The following NEGR1 variants were observed in gnomAD, a reference collection of about 807,000 sequenced individuals.
NEGR1 encodes neuronal growth regulator 1, also known as IgLON family member 4.
Under a neutral mutation model 40.9 loss-of-function variants are expected in NEGR1, and 10 were observed. That is an observed-to-expected ratio of 0.24 (90% CI 0.15 to 0.42). The LOEUF (loss-of-function observed/expected upper bound fraction) is 0.42, where lower values mean the gene tolerates loss of function less well. Ranked by LOEUF, NEGR1 falls within the 10% of genes least tolerant of loss-of-function variation. NEGR1 has a pLI of 1.00. For missense variants in NEGR1, 352 were observed against 438.9 expected (o/e 0.80, Z 1.77); for synonymous variants, 185 against 166.8 (o/e 1.11, Z -0.84).
At chr1:71,607,013 A>G (rs910790228) in intron 5 of NEGR1, among the ~76,000 whole-genome samples, 2 of 152,216 alleles carry the variant, frequency 1.3e-5, no homozygotes, top group Non-Finnish European at 2.9e-5. Context: ...AATATTTATA[A>G]ACATTCTCTT....
At chr1:71,431,616 T>C (rs577684191) in intron 6 of NEGR1, among the ~76,000 whole-genome samples, 14 of 152,090 alleles carry the variant, frequency 9.2e-5, no homozygotes, top group Non-Finnish European at 1.6e-4. Context: ...AAATATAATG[T>C]ATACTGGGTA....
At chr1:72,024,607 C>T (rs1385393296) in intron 1 of NEGR1, among the ~76,000 whole-genome samples, 2 of 152,102 alleles carry the variant, frequency 1.3e-5, no homozygotes. Flanking sequence ...TTCTGCTAAG[C>T]TCTTAATGAG....
chr1:72,042,028 A>AAT lies in NEGR1; in HGVS notation c.177-106719_177-106718dup, dbSNP rs139538953. Among the ~76,000 whole-genome samples the AAT allele has an allele frequency of 2.8e-3, 414 of 147,030 alleles. 3 individuals are homozygous for AAT. Among genetic ancestry groups the AAT allele is most frequent in the East Asian group, 0.015 (76 of 5,012 alleles). On this transcript the variant is annotated intron_variant, in intron 1 of 6. Coordinates refer to ENST00000357731, the MANE Select transcript of NEGR1 (RefSeq NM_173808.3). The stretch of plus-strand genomic sequence containing the variant: ...TAATATACATTTGATTAAATACAGA[A>AAT]ATATATATATATATCTATTTGAGAA...
At chr1:71,973,490 G>A (rs1646276103) in intron 1 of NEGR1, among the ~76,000 whole-genome samples, 1 of 152,080 alleles carries the variant, frequency 6.6e-6, no homozygotes, top group Non-Finnish European at 1.5e-5. Flanking sequence ...AAAAGCTCTA[G>A]AAATCTAATA....
chr1:72,273,372 T>C (rs1655921832), intron 1 of NEGR1, among the ~76,000 whole-genome samples: 1 of 151,958 alleles, frequency 6.6e-6, no homozygotes, highest in Non-Finnish European at 1.5e-5. Context: ...AAATAAATGT[T>C]AGGAGGTCAC....
intron 1 of NEGR1, among the ~76,000 whole-genome samples, chr1:72,154,138 TTG>T (rs935145643): frequency 2.6e-5 from 4 of 151,746 alleles, no homozygotes; most frequent in African/African-American, 9.7e-5. Flanking sequence ...GTGAATTTGG[TTG>T]TGTTTACTTT....
rs905199764 is a variant in NEGR1 at position 71,441,617 on chromosome 1, A to T, written c.941-34047T>A. Among the ~76,000 whole-genome samples, 6 of 152,200 alleles carry T rather than the reference A, an allele frequency of 3.9e-5. No homozygotes were observed. The East Asian group carries it at 1.2e-3, about 29-fold the overall frequency. ...TGAGAAGGCATCATCAAGGGTTTTT[A>T]AAATCCCTTTCTGCTCTGTATTATA... On this transcript the variant is annotated intron_variant, in intron 6 of 6. Coordinates refer to ENST00000357731, the MANE Select transcript of NEGR1 (RefSeq NM_173808.3).
intron 4 of NEGR1, among the ~76,000 whole-genome samples, chr1:71,639,655 A>T (rs1651281768): frequency 6.6e-6 from 1 of 152,090 alleles, no homozygotes; most frequent in South Asian, 2.1e-4. Context: ...GGGGGAAATT[A>T]GAGTCACCAG....
chr1:71,788,415 C>A (rs1656988567), intron 2 of NEGR1, among the ~76,000 whole-genome samples: 1 of 151,650 alleles, frequency 6.6e-6, no homozygotes, highest in South Asian at 2.1e-4. Flanking sequence ...AAATGCTATG[C>A]CTACTGCCAA....
intron 1 of NEGR1, among the ~76,000 whole-genome samples, chr1:72,116,179 A>G (rs1407322526): frequency 6.6e-6 from 1 of 151,748 alleles, no homozygotes. Context: ...GGGGAGTACA[A>G]TCAGTTGAGT....
intron 6 of NEGR1, among the ~76,000 whole-genome samples, chr1:71,435,445 A>C (rs1176450185): frequency 1.3e-5 from 2 of 152,176 alleles, no homozygotes. Flanking sequence ...TAGCAGACAA[A>C]TTCTCAGGTG....
At chr1:71,669,301 A>AAT (rs1261426426) in intron 4 of NEGR1, among the ~76,000 whole-genome samples, 2 of 152,050 alleles carry the variant, frequency 1.3e-5, no homozygotes, top group Non-Finnish European at 2.9e-5. Flanking sequence ...TTTTAATTAG[A>AAT]ATATATATTC....
At chr1:71,644,582 A>C (rs1348486346) in intron 4 of NEGR1, among the ~76,000 whole-genome samples, 1 of 151,950 alleles carries the variant, frequency 6.6e-6, no homozygotes, top group Non-Finnish European at 1.5e-5. Context: ...ACATATGATA[A>C]GTACTCAATA....
intron 2 of NEGR1, among the ~76,000 whole-genome samples, chr1:71,797,565 G>A (rs1440241362): frequency 6.6e-6 from 1 of 152,040 alleles, no homozygotes; most frequent in Non-Finnish European, 1.5e-5. Flanking sequence ...GTGATTTAGA[G>A]GAAAATGTAT....
At chr1:72,264,603 ATTAT>A (rs1191662691) in intron 1 of NEGR1, among the ~76,000 whole-genome samples, 1 of 150,752 alleles carries the variant, frequency 6.6e-6, no homozygotes, top group Non-Finnish European at 1.5e-5. Context: ...AATGTCTTCT[ATTAT>A]TTGTTATCCA....
chr1:71,842,631 T>C (rs1230073248), intron 2 of NEGR1, among the ~76,000 whole-genome samples: 1 of 152,212 alleles, frequency 6.6e-6, no homozygotes, highest in Non-Finnish European at 1.5e-5. Context: ...AGTTACAGCA[T>C]TGTTGCAGAT....
chr1:71,592,198 C>T (rs1304470372), intron 6 of NEGR1, among the ~76,000 whole-genome samples: 1 of 152,048 alleles, frequency 6.6e-6, no homozygotes, highest in Non-Finnish European at 1.5e-5. Flanking sequence ...TAGCCTTTTA[C>T]CCGATCCTTG....
intron 1 of NEGR1, among the ~76,000 whole-genome samples, chr1:72,203,167 T>C (rs901232349): frequency 1.3e-5 from 2 of 152,094 alleles, no homozygotes; most frequent in Non-Finnish European, 2.9e-5. Flanking sequence ...AGGCTATAGA[T>C]GTCATAGACA....
At chr1:72,078,637 A>T (rs964331827) in intron 1 of NEGR1, among the ~76,000 whole-genome samples, 14 of 136,742 alleles carry the variant, frequency 1.0e-4, no homozygotes, top group African/African-American at 3.1e-4. Flanking sequence ...ATATATATAT[A>T]TTTATTTATT....
Sources: gnomAD v4.1 joint callset for allele counts (sites outside exome capture counted in the v4.1 genomes callset) on GRCh38, gnomAD v4.1.1 for gene constraint, MANE v1.5 for transcripts, NCBI Gene and HGNC (gene_info 2026-07-23, HGNC 2026-07-21) for gene names.